ATRNL1: variants seen among roughly 807,000 people sequenced by gnomAD.
ATRNL1 encodes the protein attractin like 1.
A neutral mutation model predicts 182.7 loss-of-function variants in ATRNL1; 95 were observed. The observed-to-expected ratio is 0.52, with a 90% CI of 0.44 to 0.62. The LOEUF (loss-of-function observed/expected upper bound fraction) is 0.62, where lower values mean the gene tolerates loss of function less well. Ranked by LOEUF, ATRNL1 falls within the 20% of genes least tolerant of loss-of-function variation. The probability of loss-of-function intolerance (pLI) is 0.00; values close to 1 mark genes in which losing one functional copy is unlikely to be tolerated. For missense variants in ATRNL1, 1,471 were observed against 1,679.5 expected (o/e 0.88, Z 2.17); for synonymous variants, 576 against 568.3 (o/e 1.01, Z -0.19).
intron 28 of ATRNL1, among the ~76,000 whole-genome samples, chr10:115,919,660 AT>A (rs1952985785): frequency 6.6e-6 from 1 of 152,112 alleles, no homozygotes; most frequent in Non-Finnish European, 1.5e-5. Context: ...GCATACACAT[AT>A]ATATATAGTC....
chr10:115,454,944 A>G (rs1319850683), intron 21 of ATRNL1, among the ~76,000 whole-genome samples: 2 of 152,124 alleles, frequency 1.3e-5, no homozygotes, highest in African/African-American at 4.8e-5. Context: ...TTGAATAGAA[A>G]TGGTGAGAGT....
rs1555126385 is a variant in ATRNL1 at position 115,947,998 on chromosome 10, T to C, written c.*3219T>C. 1 of 152,230 alleles carries C rather than the reference T, an allele frequency of 6.6e-6. No individual in the cohort carries two copies. The highest frequency in any genetic ancestry group is 2.4e-5 in the African/African-American group (1 of 41,464). The allele number at this position is 152,230 out of a possible 1,614,324, so 9.4% of individuals were successfully genotyped here. A position where few individuals can be genotyped will look rare whatever the true frequency, so the allele number is the denominator to read the frequency against. ...CCGTGGGGACACCAGGCCACTCTTT[T>C]TCTACCAGTTGTTTTATGAATCCAC... On this transcript the variant is annotated 3_prime_UTR_variant, in exon 29 of 29. Coordinates refer to ENST00000355044, the MANE Select transcript of ATRNL1 (RefSeq NM_207303.4).
chr10:115,921,224 A>C (rs1189466328), intron 28 of ATRNL1, among the ~76,000 whole-genome samples: 1 of 152,210 alleles, frequency 6.6e-6, no homozygotes, highest in Non-Finnish European at 1.5e-5. Flanking sequence ...TAGGGACTAA[A>C]AGGGGTGGTT....
At chr10:115,158,041 GT>G (rs1846604055) in intron 5 of ATRNL1, among the ~76,000 whole-genome samples, 1 of 151,864 alleles carries the variant, frequency 6.6e-6, no homozygotes, top group African/African-American at 2.4e-5. Context: ...TAATTTTAAA[GT>G]TTTAGAAAAG....
intron 26 of ATRNL1, among the ~76,000 whole-genome samples, chr10:115,706,124 C>T (rs1366814962): frequency 6.6e-6 from 1 of 151,876 alleles, no homozygotes; most frequent in Non-Finnish European, 1.5e-5. Flanking sequence ...TAGTCCTACC[C>T]TGCTGAAATC....
At chr10:115,140,521 C>A (rs900186539) in intron 5 of ATRNL1, among the ~76,000 whole-genome samples, 27 of 152,088 alleles carry the variant, frequency 1.8e-4, no homozygotes, top group Non-Finnish European at 1.3e-4. Flanking sequence ...TAATGTATTA[C>A]AACAGATTTT....
intron 5 of ATRNL1, among the ~76,000 whole-genome samples, chr10:115,137,731 G>T (rs1845579766): frequency 2.0e-5 from 3 of 152,172 alleles, no homozygotes; most frequent in East Asian, 1.9e-4. Context: ...GGGAATTCAA[G>T]ATGAGATTTG....
At chr10:115,863,401 A>G (rs183662118) in intron 28 of ATRNL1, among the ~76,000 whole-genome samples, 1 of 152,340 alleles carries the variant, frequency 6.6e-6, no homozygotes, top group East Asian at 1.9e-4. Flanking sequence ...CTATAGTTGT[A>G]TATTTGTTTC....
chr10:115,373,210 C>G (rs1395836109), intron 19 of ATRNL1, among the ~76,000 whole-genome samples: 2 of 151,776 alleles, frequency 1.3e-5, no homozygotes, highest in African/African-American at 4.8e-5. Context: ...TTTGTATGTT[C>G]ATTTTGTATC....
rs782264447 is a variant in ATRNL1 at position 115,300,135 on chromosome 10, C to A, written c.2517C>A (p.Gly839=). The change falls in exon 16 of 29, where the codon GGC becomes GGA. Residue 839 remains glycine, a synonymous_variant. Coordinates refer to ENST00000355044, the MANE Select transcript of ATRNL1 (RefSeq NM_207303.4). ...FTNTTLQWLP[G]EPNDSGFCAY... The stretch of plus-strand genomic sequence containing the variant: ...ACACAACACTACAGTGGCTTCCTGG[C>A]GAACCCAATGATTCTGGGTTTTGTG... 1 of 1,613,846 alleles carries A rather than the reference C, an allele frequency of 6.2e-7. No individual in the cohort carries two copies. Among genetic ancestry groups the A allele is most frequent in the Non-Finnish European group, 8.5e-7 (1 of 1,179,774 alleles).
At chr10:115,236,479 G>C (rs900277247) in intron 9 of ATRNL1, among the ~76,000 whole-genome samples, 1 of 152,140 alleles carries the variant, frequency 6.6e-6, no homozygotes, top group South Asian at 2.1e-4. Flanking sequence ...TTTTGTATGT[G>C]AAGTATGAGG....
intron 26 of ATRNL1, among the ~76,000 whole-genome samples, chr10:115,628,992 C>T (rs782417995): frequency 3.3e-5 from 5 of 151,964 alleles, no homozygotes; most frequent in Non-Finnish European, 7.4e-5. Flanking sequence ...ATTTTTATTC[C>T]ATTACTCTCA....
chr10:115,161,355 A>C (rs781804139), intron 6 of ATRNL1, among the ~76,000 whole-genome samples: 12 of 152,026 alleles, frequency 7.9e-5, no homozygotes, highest in Non-Finnish European at 1.3e-4. Flanking sequence ...ATACAGAAGG[A>C]AGAATTGAAA....
intron 8 of ATRNL1, among the ~76,000 whole-genome samples, chr10:115,177,030 A>G (rs1350199750): frequency 1.3e-5 from 2 of 152,066 alleles, no homozygotes; most frequent in Non-Finnish European, 2.9e-5. Flanking sequence ...GAATAAAAGG[A>G]TTGAGCTATA....
At chr10:115,170,594 A>G (rs1279929899) in intron 7 of ATRNL1, among the ~76,000 whole-genome samples, 1 of 150,036 alleles carries the variant, frequency 6.7e-6, no homozygotes, top group African/African-American at 2.5e-5. Flanking sequence ...ATTGAAGACT[A>G]TGAGTAATAT....
intron 24 of ATRNL1, among the ~76,000 whole-genome samples, chr10:115,493,266 T>G (rs1849396942): frequency 6.6e-6 from 1 of 152,122 alleles, no homozygotes; most frequent in African/African-American, 2.4e-5. Flanking sequence ...ACCCTCCTCT[T>G]ACTCTCCATC....
At chr10:115,173,916 T>C (rs1296768154) in intron 8 of ATRNL1, among the ~76,000 whole-genome samples, 3 of 142,484 alleles carry the variant, frequency 2.1e-5, no homozygotes, top group Non-Finnish European at 4.6e-5. Context: ...TTTTTTTTTG[T>C]AAATTTTCTG....
intron 1 of ATRNL1, among the ~76,000 whole-genome samples, chr10:115,119,068 A>T (rs999862653): frequency 2.0e-5 from 3 of 152,138 alleles, no homozygotes; most frequent in Non-Finnish European, 1.5e-5. Flanking sequence ...GTGGTACCTG[A>T]CATGTAGAAA....
intron 27 of ATRNL1, among the ~76,000 whole-genome samples, chr10:115,805,921 C>T (rs1949910593): frequency 1.3e-5 from 2 of 151,870 alleles, no homozygotes; most frequent in South Asian, 2.1e-4. Context: ...CTACATAAAA[C>T]GATAAATTAT....
Sources: gnomAD v4.1 joint callset for allele counts (sites outside exome capture counted in the v4.1 genomes callset) on GRCh38, gnomAD v4.1.1 for gene constraint, MANE v1.5 for transcripts, NCBI Gene and HGNC (gene_info 2026-07-23, HGNC 2026-07-21) for gene names.